The following PTPRT variants were observed in gnomAD, a reference collection of about 807,000 sequenced individuals.
PTPRT encodes receptor-type tyrosine-protein phosphatase T.
In PTPRT, 56 loss-of-function variants were observed where a neutral mutation model predicts 176.8. That is an observed-to-expected ratio of 0.32 (90% confidence interval 0.26 to 0.40). The LOEUF (loss-of-function observed/expected upper bound fraction) is 0.40, where lower values mean the gene tolerates loss of function less well. Ranked by LOEUF, PTPRT falls within the 10% of genes least tolerant of loss-of-function variation. PTPRT has a pLI of 1.00. For missense variants in PTPRT, 1,540 were observed against 1,908.2 expected (o/e 0.81, Z 3.60); for synonymous variants, 783 against 739.0 (o/e 1.06, Z -0.96).
chr20:42,401,041 C>T (rs1173488730), intron 9 of PTPRT, among the ~76,000 whole-genome samples: 1 of 151,592 alleles, frequency 6.6e-6, no homozygotes, highest in Non-Finnish European at 1.5e-5. Flanking sequence ...TACTTTTTAA[C>T]CAGGACAGGA....
Position 42,510,563 on chromosome 20 carries a change from A to G in PTPRT, c.1154-38001T>C, listed in dbSNP as rs189303488. Among the ~76,000 whole-genome samples the G allele has an allele frequency of 3.1e-4, 47 of 152,202 alleles. No individual in the cohort carries two copies. In the East Asian group the frequency reaches 7.4e-3, roughly 24 times the overall value. ...TGTCCAGATAAGAGCTCAGACCCCA[A>G]GAGGAAAGTTATTTTTCCAGCCCTA... On this transcript the variant is annotated intron_variant, in intron 7 of 30. Transcript: ENST00000373187.
At chr20:42,189,264 A>G (rs1315209806) in intron 16 of PTPRT, among the ~76,000 whole-genome samples, 1 of 152,178 alleles carries the variant, frequency 6.6e-6, no homozygotes, top group African/African-American at 2.4e-5. Flanking sequence ...ACTATTTTCA[A>G]ATCAAAATCC....
intron 2 of PTPRT, among the ~76,000 whole-genome samples, chr20:42,863,180 G>A (rs187120458): frequency 3.9e-5 from 6 of 152,358 alleles, no homozygotes; most frequent in Admixed American, 3.9e-4. Context: ...ACACCTGGCA[G>A]TGCCTGAGCT....
At chr20:42,344,773 T>TGAA (rs558779699) in intron 11 of PTPRT, among the ~76,000 whole-genome samples, 130 of 152,152 alleles carry the variant, frequency 8.5e-4, no homozygotes, top group Admixed American at 4.8e-3. Flanking sequence ...AAATCCAGAG[T>TGAA]GAAGACCTTC....
At chr20:42,411,417 T>C (rs2059015290) in intron 9 of PTPRT, among the ~76,000 whole-genome samples, 1 of 148,756 alleles carries the variant, frequency 6.7e-6, no homozygotes, top group African/African-American at 2.5e-5. Context: ...CTCAGGAGGC[T>C]GAGGCAGGAG....
intron 6 of PTPRT, among the ~76,000 whole-genome samples, chr20:42,713,620 A>G (rs999562229): frequency 3.3e-5 from 5 of 152,214 alleles, no homozygotes; most frequent in Non-Finnish European, 7.3e-5. Flanking sequence ...GTGAAGGAAG[A>G]CATGTGATAC....
At chr20:42,462,898 T>A (rs1300976300) in intron 8 of PTPRT, among the ~76,000 whole-genome samples, 1 of 152,172 alleles carries the variant, frequency 6.6e-6, no homozygotes, top group African/African-American at 2.4e-5. Context: ...GTGTACAGAA[T>A]GCGAGTCCTT....
chr20:42,987,582 GTTCC>G (rs1358656594), intron 1 of PTPRT, among the ~76,000 whole-genome samples: 1 of 152,018 alleles, frequency 6.6e-6, no homozygotes, highest in African/African-American at 2.4e-5. Context: ...CCTGTCTTCA[GTTCC>G]TCAAACATAC....
chr20:42,467,822 G>A (rs1001084997), intron 8 of PTPRT, among the ~76,000 whole-genome samples: 5 of 152,200 alleles, frequency 3.3e-5, no homozygotes, highest in East Asian at 1.9e-4. Flanking sequence ...CTATTCTTTC[G>A]ATTTTTCTAG....
intron 7 of PTPRT, among the ~76,000 whole-genome samples, chr20:42,545,434 A>G (rs2072657496): frequency 6.6e-6 from 1 of 152,036 alleles, no homozygotes; most frequent in Admixed American, 6.6e-5. Flanking sequence ...TGCCACCAAA[A>G]GCCACTTTTT....
chr20:43,080,444 C>T (rs930514450), intron 1 of PTPRT, among the ~76,000 whole-genome samples: 5 of 152,182 alleles, frequency 3.3e-5, no homozygotes, highest in African/African-American at 1.2e-4. Flanking sequence ...GATATACAAC[C>T]TATTTTTATT....
the PTPRT span, among the ~76,000 whole-genome samples, chr20:42,043,904 G>A: frequency 6.6e-6 from 1 of 152,202 alleles, no homozygotes; most frequent in Non-Finnish European, 1.5e-5. Context: ...AGACAAGTGA[G>A]AGACGTAAAA....
chr20:42,315,952 C>T lies in PTPRT; in HGVS notation c.1910G>A (p.Arg637Gln), dbSNP rs371723954. 44 of 1,613,972 alleles carry T rather than the reference C, an allele frequency of 2.7e-5. No homozygotes were observed. The highest frequency in any genetic ancestry group is 1.6e-4 in the Middle Eastern group (1 of 6,078). The change falls in exon 12 of 31, where the codon CGG becomes CAG. Residue 637 changes from arginine to glutamine, a missense_variant. Transcript: ENST00000373187. Reference sequence around the variant, plus strand: ...GCACTCAATAATGTCAGCTGCCCTCCGTGACTTCTGAAGTCGCTCCTCCTT... The same window carrying T: ...GCACTCAATAATGTCAGCTGCCCTCTGTGACTTCTGAAGTCGCTCCTCCTT... The part of the protein sequence containing the change: ...VVKEERLQKS[R>Q]RAADIIECFS...
intron 17 of PTPRT, among the ~76,000 whole-genome samples, chr20:42,159,455 A>G (rs1318541663): frequency 2.0e-5 from 3 of 151,660 alleles, no homozygotes; most frequent in African/African-American, 7.3e-5. Flanking sequence ...GTTTTAGGGT[A>G]CCAAATAACA....
At chr20:43,152,962 C>T (rs1166954329) in intron 1 of PTPRT, among the ~76,000 whole-genome samples, 1 of 152,122 alleles carries the variant, frequency 6.6e-6, no homozygotes, top group Non-Finnish European at 1.5e-5. Flanking sequence ...CATTTTTACC[C>T]TTCAACCAGG....
chr20:42,419,636 C>T (rs2059098495), intron 9 of PTPRT, among the ~76,000 whole-genome samples: 1 of 152,060 alleles, frequency 6.6e-6, no homozygotes, highest in African/African-American at 2.4e-5. Context: ...TTTTCTTCTC[C>T]CTCTCCTAGG....
chr20:42,840,475 C>T (rs151319802), intron 2 of PTPRT, among the ~76,000 whole-genome samples: 2,426 of 152,030 alleles, frequency 0.016, 71 homozygotes, highest in African/African-American at 0.056. Flanking sequence ...TGCAATGGTG[C>T]GATCTTGGCT....
At chr20:42,440,399 T>TA (rs2059301977) in intron 9 of PTPRT, among the ~76,000 whole-genome samples, 1 of 152,038 alleles carries the variant, frequency 6.6e-6, no homozygotes, top group Non-Finnish European at 1.5e-5. Flanking sequence ...ATTGAGTACA[T>TA]ACTATGTGAA....
rs567767729 is a variant in PTPRT at position 42,635,962 on chromosome 20, A to G, written c.1153+41904T>C. On this transcript the variant is annotated intron_variant, in intron 7 of 30. Transcript: ENST00000373187. ...AACTCATAAGAACTAATTATTAACT[A>G]CTAGACTGTGAGGACTCTTTCTTTG... Among the ~76,000 whole-genome samples the G allele has an allele frequency of 1.9e-4, 29 of 152,300 alleles. 1 individual carries two copies. The South Asian group carries it at 6.0e-3, about 32-fold the overall frequency.
Sources: allele counts gnomAD v4.1 joint callset (sites outside exome capture counted in the v4.1 genomes callset), GRCh38; gene constraint gnomAD v4.1.1; transcripts MANE v1.5; gene names NCBI Gene and HGNC (gene_info 2026-07-23, HGNC 2026-07-21).